Variants in UNC13B observed in about 807,000 individuals in gnomAD.
UNC13B encodes the protein protein unc-13 homolog B.
A neutral mutation model predicts 211.0 loss-of-function variants in UNC13B; 144 were observed. That is an observed-to-expected ratio of 0.68 (90% CI 0.60 to 0.78). The LOEUF (loss-of-function observed/expected upper bound fraction) is 0.78, where lower values mean the gene tolerates loss of function less well. Among genes scored for constraint, UNC13B ranks in the 30% least tolerant of loss-of-function variants. The pLI is 0.00. For synonymous variants in UNC13B, 709 were observed against 725.8 expected, an observed-to-expected ratio of 0.98 and a Z score of 0.37; for missense variants, 1,777 against 2,002.0, an observed-to-expected ratio of 0.89 and a Z score of 2.14.
chr9:35,384,118 A>T (rs572798632), intron 21 of UNC13B, 128 bp from the exon 22 acceptor site: 18 of 1,412,242 alleles, frequency 1.3e-5, no homozygotes, highest in Admixed American at 1.2e-4. Context: ...ATGGGCAGGG[A>T]TGTGTCTCCA....
At chr9:35,312,336 TC>T (rs1164972337) in intron 10 of UNC13B, among the ~76,000 whole-genome samples, 1 of 152,240 alleles carries the variant, frequency 6.6e-6, no homozygotes, top group Non-Finnish European at 1.5e-5. Flanking sequence ...TCTCTCTTCT[TC>T]CCTTTTTTGG....
At chr9:35,166,507 TA>T (rs1378191383) in intron 1 of UNC13B, among the ~76,000 whole-genome samples, 1 of 152,152 alleles carries the variant, frequency 6.6e-6, no homozygotes, top group African/African-American at 2.4e-5. Context: ...ACTTTTTTTT[TA>T]AATTTAATTT....
At chr9:35,254,870 C>A (rs115898067) in intron 6 of UNC13B, among the ~76,000 whole-genome samples, 19,091 of 131,594 alleles carry the variant, frequency 0.15, 1,578 homozygotes, top group Admixed American at 0.25. Flanking sequence ...ATTGTTTATA[C>A]ATTATTTATA....
chr9:35,362,886 A>T (rs903138869), intron 11 of UNC13B, among the ~76,000 whole-genome samples: 21 of 152,146 alleles, frequency 1.4e-4, no homozygotes, highest in Non-Finnish European at 2.5e-4. Context: ...TATGTGTTAA[A>T]TACCAATGAG....
intron 17 of UNC13B, among the ~76,000 whole-genome samples, chr9:35,379,342 G>A (rs1197429837): frequency 1.3e-5 from 2 of 152,078 alleles, no homozygotes; most frequent in Non-Finnish European, 2.9e-5. Flanking sequence ...CAGCTTACTC[G>A]GGAGGCTGAG....
At chr9:35,399,610 G>T (rs772210341) in intron 35 of UNC13B, 39 bp from the exon 36 acceptor site, 2 of 1,611,750 alleles carry the variant, frequency 1.2e-6, no homozygotes, top group Non-Finnish European at 1.7e-6. Flanking sequence ...TTTCATGACT[G>T]CTGTGAGCTG....
intron 24 of UNC13B, among the ~76,000 whole-genome samples, chr9:35,389,111 C>A (rs983337376): frequency 8.5e-5 from 13 of 152,170 alleles, no homozygotes; most frequent in African/African-American, 3.1e-4. Context: ...CCACCTTCAC[C>A]TTTGACTTAG....
rs1040533884 is a variant in UNC13B, at chr9:35,352,775, G to A, written c.9415-14172G>A. 27 of 1,232,194 alleles carry A rather than the reference G, an allele frequency of 2.2e-5. No individual in the cohort carries two copies. In the East Asian group the frequency reaches 2.8e-4, roughly 13 times the overall value. 76.3% of individuals were successfully genotyped at this position (1,232,194 alleles called of 1,614,324 possible). A position where few individuals can be genotyped will look rare whatever the true frequency, so the allele number is the denominator to read the frequency against. On this transcript the variant is annotated intron_variant, in intron 11 of 39. Coordinates refer to ENST00000635942, the MANE Select transcript of UNC13B (RefSeq NM_001371189.2). Reference sequence around the variant, plus strand: ...CTGTGATGAACTGTCAGAGAAAAAGGCTTCTCTGTCTACCCCCCATCAGTT... The same window carrying A: ...CTGTGATGAACTGTCAGAGAAAAAGACTTCTCTGTCTACCCCCCATCAGTT...
intron 22 of UNC13B, chr9:35,384,547 C>A (rs1835064571): frequency 1.0e-6 from 1 of 985,316 alleles, no homozygotes; most frequent in South Asian, 4.7e-5. Context: ...TCTTTCCAAC[C>A]TCATTCTTAA....
intron 1 of UNC13B, among the ~76,000 whole-genome samples, chr9:35,215,264 G>A (rs1423587092): frequency 6.6e-6 from 1 of 152,112 alleles, no homozygotes; most frequent in Non-Finnish European, 1.5e-5. Flanking sequence ...TTAGCTAGGT[G>A]TGGTGGCACA....
intron 1 of UNC13B, among the ~76,000 whole-genome samples, chr9:35,164,171 C>G (rs1474481900): frequency 6.6e-6 from 1 of 152,130 alleles, no homozygotes; most frequent in Non-Finnish European, 1.5e-5. Flanking sequence ...AGTGAACCAC[C>G]AGGCCCGGCT....
intron 1 of UNC13B, among the ~76,000 whole-genome samples, chr9:35,180,613 A>G (rs1476108860): frequency 2.6e-5 from 4 of 152,206 alleles, no homozygotes; most frequent in South Asian, 2.1e-4. Flanking sequence ...ATCTGTTTCA[A>G]TTTTATACTG....
At chr9:35,399,773 A>T in intron 36 of UNC13B, 44 bp downstream of exon 36, 1 of 1,599,432 alleles carries the variant, frequency 6.3e-7, no homozygotes, top group Non-Finnish European at 8.6e-7. Flanking sequence ...CACCACACTC[A>T]CTTGGCCCTG....
chr9:35,213,805 CA>C (rs1321055936), intron 1 of UNC13B, among the ~76,000 whole-genome samples: 1 of 152,104 alleles, frequency 6.6e-6, no homozygotes, highest in Admixed American at 6.6e-5. Context: ...GTCTGAGATT[CA>C]AATTTGTTTA....
At chr9:35,350,400 G>A (rs757589161) in intron 11 of UNC13B, among the ~76,000 whole-genome samples, 5 of 152,188 alleles carry the variant, frequency 3.3e-5, no homozygotes, top group Non-Finnish European at 5.9e-5. Context: ...GCAACCCTTT[G>A]TTATTAATAC....
intron 24 of UNC13B, among the ~76,000 whole-genome samples, chr9:35,387,830 C>A (rs758982895): frequency 3.9e-5 from 6 of 152,102 alleles, no homozygotes; most frequent in Admixed American, 3.3e-4. Flanking sequence ...GAGGTCAGGG[C>A]AAATTACTAC....
chr9:35,386,208 A>C lies in UNC13B; in HGVS notation c.11009A>C (p.Lys3670Thr). The change falls in exon 24 of 40, where the codon AAG becomes ACG. Residue 3670 changes from lysine (K) to threonine (T), a missense_variant. Coordinates refer to ENST00000635942, the MANE Select transcript of UNC13B (RefSeq NM_001371189.2). ...CCTCCAAGAGCCAGCCAGGTGGTAA[A>C]GGATTGTGTGAAGGCCTGTTTGAAC... ...QSPPRASQVVKDCVKACLNST... is the reference protein window; with the variant it reads ...QSPPRASQVVTDCVKACLNST... The C allele has an allele frequency of 6.2e-7, 1 of 1,614,170 alleles. No homozygotes were observed. Among genetic ancestry groups the C allele is most frequent in the Non-Finnish European group, 8.5e-7 (1 of 1,180,022 alleles).
intron 7 of UNC13B, among the ~76,000 whole-genome samples, chr9:35,274,045 T>C (rs1488532026): frequency 6.6e-5 from 10 of 152,172 alleles, no homozygotes; most frequent in Non-Finnish European, 7.3e-5. Context: ...TGAGAGGATC[T>C]AGTGCTTCCT....
At chr9:35,175,463 A>G (rs919450800) in intron 1 of UNC13B, among the ~76,000 whole-genome samples, 1 of 152,066 alleles carries the variant, frequency 6.6e-6, no homozygotes, top group Non-Finnish European at 1.5e-5. Flanking sequence ...GAAAATGGAG[A>G]GTGTTGTGTT....
Sources: gnomAD v4.1 joint callset for allele counts (sites outside exome capture counted in the v4.1 genomes callset) on GRCh38, gnomAD v4.1.1 for gene constraint, MANE v1.5 for transcripts, NCBI Gene and HGNC (gene_info 2026-07-23, HGNC 2026-07-21) for gene names.